The following PLEKHG6 variants were observed in gnomAD, a reference collection of about 807,000 sequenced individuals.
PLEKHG6 encodes pleckstrin homology and RhoGEF domain containing G6, also known as pleckstrin homology domain-containing family G member 6.
In PLEKHG6, 91 loss-of-function variants were observed where a neutral mutation model predicts 97.5. That is an observed-to-expected ratio of 0.93 (90% CI 0.79 to 1.11). The LOEUF (loss-of-function observed/expected upper bound fraction) is 1.11, where lower values mean the gene tolerates loss of function less well. Among genes scored for constraint, PLEKHG6 ranks in the 50% most tolerant of loss-of-function variants. PLEKHG6 has a pLI of 0.00. For missense variants in PLEKHG6, 1,044 were observed against 1,031.0 expected, an observed-to-expected ratio of 1.01 and a Z score of -0.17; for synonymous variants, 466 against 425.5, an observed-to-expected ratio of 1.10 and a Z score of -1.17.
intron 14 of PLEKHG6, 139 bp downstream of exon 14, chr12:6,326,712 G>A (rs572225592): frequency 3.7e-5 from 29 of 784,568 alleles, no homozygotes; most frequent in Non-Finnish European, 4.5e-5. Flanking sequence ...AGGGAAGCTC[G>A]GTACCAGCTG....
intron 13 of PLEKHG6, chr12:6,319,591 C>T (rs1459376103): frequency 5.0e-5 from 76 of 1,535,236 alleles, no homozygotes; most frequent in Non-Finnish European, 6.4e-5. Context: ...AGAGCCTCCA[C>T]CATCCATCAG....
At position 6,326,477 on chromosome 12, in the gene PLEKHG6, A is replaced by T. The variant is rs760785966; in HGVS notation, c.1574A>T (p.Glu525Val). ...GAGGAGTATGTTCAACAGAAGAGGGAGCTCCTGACCCTCTATCGGGACCAG... is the reference window on the plus strand; with the variant it reads ...GAGGAGTATGTTCAACAGAAGAGGGTGCTCCTGACCCTCTATCGGGACCAG... The part of the protein sequence containing the change: ...KAEEYVQQKR[E>V]LLTLYRDQDR... The change falls in exon 14 of 16, where the codon GAG (glutamate) becomes GTG (valine). Residue 525 changes from glutamate (E) to valine (V), a missense_variant. Physicochemically the swap from Glu to Val is moderately radical, Grantham distance 121. Transcript: ENST00000684764. 8.6e-5 allele frequency: 139 copies of T among 1,612,578 alleles called. No homozygotes were observed. The highest frequency in any genetic ancestry group is 1.2e-4 in the Non-Finnish European group (137 of 1,179,202).
intron 13 of PLEKHG6, among the ~76,000 whole-genome samples, chr12:6,322,724 T>C (rs749186967): frequency 6.6e-6 from 1 of 151,784 alleles, no homozygotes; most frequent in Non-Finnish European, 1.5e-5. Context: ...TTACAAAAAA[T>C]ACAAAAATTA....
chr12:6,314,924 A>C, intron 3 of PLEKHG6, 81 bp from the exon 4 acceptor site: 1 of 1,246,732 alleles, frequency 8.0e-7, no homozygotes, highest in South Asian at 1.4e-5. Flanking sequence ...ACACACATGC[A>C]CACACACACA....
chr12:6,328,108 C>T (rs759020292), intron 15 of PLEKHG6, 28 bp from the exon 16 acceptor site: 39 of 1,613,758 alleles, frequency 2.4e-5, no homozygotes, highest in Middle Eastern at 1.6e-4. Context: ...CACTGAATGT[C>T]GCCTAACACC....
At chr12:6,318,107 C>T (rs1947553274) in intron 10 of PLEKHG6, 113 bp downstream of exon 10, 1 of 1,383,994 alleles carries the variant, frequency 7.2e-7, no homozygotes, top group African/African-American at 1.4e-5. Flanking sequence ...GGGTGTCCAT[C>T]ATTCCTACCT....
Position 6,315,134 on chromosome 12 carries a change from G to T in PLEKHG6, c.424G>T (p.Glu142Ter). The change falls in exon 4 of 16, where the codon GAG (glutamate) becomes TAG (stop). Residue 142 changes from glutamate to a stop codon, truncating the protein, a stop_gained. Transcript: ENST00000684764. LOFTEE classifies it high-confidence loss of function. This position sits in a 1 kb window ranked among gnomAD's most constrained non-coding sequence, Gnocchi z 4.5. The part of the protein sequence containing the change: ...GEGGDSGLTI[E>*]KSWRELVPGH... ...GGGTGGCGACAGTGGCCTGACCATC[G>T]AGAAGTCCTGGAGGGAGCTGGTGCC... 1 of 1,612,072 alleles carries T rather than the reference G, an allele frequency of 6.2e-7. No homozygotes were observed. Among genetic ancestry groups the T allele is most frequent in the Non-Finnish European group, 8.5e-7 (1 of 1,179,982 alleles).
chr12:6,311,632 AG>A (rs774344228), intron 1 of PLEKHG6, among the ~76,000 whole-genome samples: 14 of 152,224 alleles, frequency 9.2e-5, no homozygotes, highest in East Asian at 3.9e-4. Flanking sequence ...GCTTTTTTGC[AG>A]GGGGGGCAGC....
At chr12:6,326,711 C>T (rs558430656) in intron 14 of PLEKHG6, 138 bp downstream of exon 14, 12 of 791,258 alleles carry the variant, frequency 1.5e-5, no homozygotes, top group East Asian at 3.2e-5. Context: ...TAGGGAAGCT[C>T]GGTACCAGCT....
At position 6,327,510 on chromosome 12, in the gene PLEKHG6, C is replaced by T. The variant is rs762521032; in HGVS notation, c.1927C>T (p.Arg643Cys). ...PHPPDPQAPQ[R>C]RSAPELPEGI... ...CCCTCCCGACCCCCAAGCTCCTCAA[C>T]GCCGAAGCGCCCCCGAACTGCCGGA... The change falls in exon 15 of 16, where the codon CGC becomes TGC. Residue 643 changes from arginine (R) to cysteine (C), a missense_variant. Transcript: ENST00000684764. 2.2e-5 allele frequency: 29 copies of T among 1,310,334 alleles called. No individual in the cohort carries two copies. Among genetic ancestry groups the T allele is most frequent in the African/African-American group, 1.1e-4 (7 of 64,056 alleles). 81.2% of individuals were successfully genotyped at this position (1,310,334 alleles called of 1,614,324 possible). A position where few individuals can be genotyped will look rare whatever the true frequency, so the allele number is the denominator to read the frequency against.
chr12:6,320,524 TCC>T (rs1469601840), intron 13 of PLEKHG6, among the ~76,000 whole-genome samples: 1 of 152,120 alleles, frequency 6.6e-6, no homozygotes, highest in Non-Finnish European at 1.5e-5. Context: ...TTCTCTGTCT[TCC>T]CATGGCCTTC....
chr12:6,314,922 G>GCA (rs147807724), intron 3 of PLEKHG6, 83 bp from the exon 4 acceptor site: 147 of 1,278,446 alleles, frequency 1.1e-4, no homozygotes, highest in Non-Finnish European at 1.4e-4. Context: ...TAACACACAT[G>GCA]CACACACACA....
chr12:6,315,687 C>G lies in PLEKHG6; in HGVS notation c.555+38C>G. On this transcript the variant is annotated intron_variant, in intron 5 of 15. Coordinates refer to ENST00000684764, the MANE Select transcript of PLEKHG6 (RefSeq NM_001384598.1). This position sits in a 1 kb window ranked among gnomAD's most constrained non-coding sequence, Gnocchi z 4.5. ...CAGCCCCAGCCCCGGCCCCATCTTC[C>G]CTGCATGAGCCCCCATCCTCCCAGA... 1 of 1,347,272 alleles carries G rather than the reference C, an allele frequency of 7.4e-7. No individual in the cohort carries two copies. The highest frequency in any genetic ancestry group is 1.0e-6 in the Non-Finnish European group (1 of 966,950). The allele number at this position is 1,347,272 out of a possible 1,614,324, so 83.5% of individuals were successfully genotyped here.
At chr12:6,319,540 G>T in intron 13 of PLEKHG6, 1 of 1,529,290 alleles carries the variant, frequency 6.5e-7, no homozygotes, top group Non-Finnish European at 8.7e-7. Context: ...GGTGGATTCA[G>T]TTTCAGACTG....
intron 2 of PLEKHG6, chr12:6,313,313 T>G (rs1947337967): frequency 3.2e-6 from 3 of 940,814 alleles, no homozygotes; most frequent in Non-Finnish European, 5.0e-6. Flanking sequence ...CAGGAGGCAG[T>G]GGGGGCACAC....
intron 2 of PLEKHG6, chr12:6,313,053 C>T (rs1214412158): frequency 3.3e-6 from 5 of 1,512,954 alleles, no homozygotes; most frequent in Middle Eastern, 1.7e-4. Flanking sequence ...AGGCCACAGG[C>T]AAATGAAGGA....
chr12:6,318,076 C>T, intron 10 of PLEKHG6, 82 bp downstream of exon 10: 1 of 1,467,042 alleles, frequency 6.8e-7, no homozygotes, highest in Non-Finnish European at 9.2e-7. Context: ...GGCCAGAACA[C>T]CCCGTACTTG....
chr12:6,323,615 CAG>C (rs1049000093), intron 13 of PLEKHG6, among the ~76,000 whole-genome samples: 34 of 152,200 alleles, frequency 2.2e-4, no homozygotes, highest in African/African-American at 7.5e-4. Context: ...AAAGAGCCGT[CAG>C]AGATGGCGAC....
chr12:6,328,285 GCT>G lies in PLEKHG6; in HGVS notation c.*143_*144del. On this transcript the variant is annotated 3_prime_UTR_variant, in exon 16 of 16. Transcript: ENST00000684764. ...GCCTGGCCCAGGCACCCTGCCTCCT[GCT>G]CTGTTTGGGGATCAAGAACTGTAAA... The G allele has an allele frequency of 1.3e-6, 1 of 770,100 alleles. No individual in the cohort carries two copies. The highest frequency in any genetic ancestry group is 2.2e-6 in the Non-Finnish European group (1 of 450,250). 47.7% of individuals were successfully genotyped at this position (770,100 alleles called of 1,614,324 possible). A position where few individuals can be genotyped will look rare whatever the true frequency, so the allele number is the denominator to read the frequency against.
Sources: gnomAD v4.1 joint callset for allele counts (sites outside exome capture counted in the v4.1 genomes callset) on GRCh38, gnomAD v4.1.1 for gene constraint, Gnocchi (gnomAD v3.1) non-coding constraint, MANE v1.5 for transcripts, NCBI Gene and HGNC (gene_info 2026-07-23, HGNC 2026-07-21) for gene names.